Variants in EDIL3 observed in about 807,000 individuals in gnomAD.
The protein encoded by EDIL3 is EGF like and discoidin domains 3, also known as EGF-like repeat and discoidin I-like domain-containing protein 3.
In EDIL3, 37 loss-of-function variants were observed where a neutral mutation model predicts 67.4. The ratio of observed to expected loss-of-function variants is 0.55; its 90% CI spans 0.42 to 0.72. EDIL3 has a LOEUF of 0.72. Ranked by LOEUF, EDIL3 falls within the 30% of genes least tolerant of loss-of-function variation. The probability of loss-of-function intolerance (pLI) is 0.00; values close to 1 mark genes in which losing one functional copy is unlikely to be tolerated. For missense variants in EDIL3, 527 were observed against 586.3 expected (o/e 0.90, Z 1.04); for synonymous variants, 195 against 196.3 (o/e 0.99, Z 0.05).
At chr5:84,305,979 C>T (rs1054106477) in intron 1 of EDIL3, among the ~76,000 whole-genome samples, 18 of 151,928 alleles carry the variant, frequency 1.2e-4, no homozygotes, top group African/African-American at 3.9e-4. Flanking sequence ...CATGTCATGT[C>T]CCCCCAGATT....
intron 1 of EDIL3, among the ~76,000 whole-genome samples, chr5:84,366,605 A>C (rs61054931): frequency 0.14 from 22,036 of 152,200 alleles, 1,798 homozygotes; most frequent in African/African-American, 0.22. Flanking sequence ...ATATGTGCTA[A>C]TAAATTAGAA....
chr5:84,229,314 A>G (rs1463758831), intron 3 of EDIL3, among the ~76,000 whole-genome samples: 1 of 152,208 alleles, frequency 6.6e-6, no homozygotes, highest in Non-Finnish European at 1.5e-5. Context: ...GAACTAAGTC[A>G]TGATGCCAAG....
chr5:84,287,733 A>G (rs1745836356), intron 1 of EDIL3, among the ~76,000 whole-genome samples: 1 of 152,150 alleles, frequency 6.6e-6, no homozygotes, highest in African/African-American at 2.4e-5. Flanking sequence ...GAGCAGCATT[A>G]GACAGAGTTG....
At chr5:84,181,645 C>T (rs935797483) in intron 3 of EDIL3, among the ~76,000 whole-genome samples, 4 of 152,130 alleles carry the variant, frequency 2.6e-5, no homozygotes, top group South Asian at 2.1e-4. Flanking sequence ...ATCTTTTACA[C>T]TTTTAATTCT....
intron 9 of EDIL3, among the ~76,000 whole-genome samples, chr5:84,044,040 T>A (rs1325488104): frequency 6.6e-6 from 1 of 152,138 alleles, no homozygotes; most frequent in African/African-American, 2.4e-5. Context: ...GTATTTGTCC[T>A]AATGCTATCC....
In EDIL3 at chr5:84,159,929, T is replaced by G. The variant is rs1277236087; in HGVS notation, c.355+20464A>C. Among the ~76,000 whole-genome samples, 3 of 152,094 alleles carry G rather than the reference T, an allele frequency of 2.0e-5. No homozygotes were observed. In the East Asian group the frequency reaches 5.8e-4, roughly 29 times the overall value. ...TTGGCACTGCTTTATCTCATAATATTTTGTATTTAGTTCATAATAGAATAA... is the reference window on the plus strand; with the variant it reads ...TTGGCACTGCTTTATCTCATAATATGTTGTATTTAGTTCATAATAGAATAA... On this transcript the variant is annotated intron_variant, in intron 4 of 10. Transcript: ENST00000296591.
At chr5:84,097,465 T>C (rs1356660509) in intron 6 of EDIL3, among the ~76,000 whole-genome samples, 1 of 152,206 alleles carries the variant, frequency 6.6e-6, no homozygotes, top group Non-Finnish European at 1.5e-5. Context: ...AAAGTCCTAA[T>C]AAAAATAGGC....
chr5:83,945,736 G>A (rs4599516), intron 10 of EDIL3, among the ~76,000 whole-genome samples: 36,502 of 151,724 alleles, frequency 0.24, 5,037 homozygotes, highest in South Asian at 0.38. Flanking sequence ...GATTTAATAT[G>A]TGAAAGTCAT....
At chr5:84,020,083 A>AAAAAAAG (rs1745685450) in intron 9 of EDIL3, among the ~76,000 whole-genome samples, 1 of 151,434 alleles carries the variant, frequency 6.6e-6, no homozygotes, top group Non-Finnish European at 1.5e-5. Flanking sequence ...GTACAAAAAA[A>AAAAAAAG]AAAAAAAACG....
intron 10 of EDIL3, among the ~76,000 whole-genome samples, chr5:83,953,693 G>C (rs536399940): frequency 3.3e-5 from 5 of 151,750 alleles, no homozygotes; most frequent in Non-Finnish European, 7.4e-5. Context: ...GAAAAACCGA[G>C]AGGACTGCCT....
At chr5:84,053,990 G>A (rs979103470) in intron 9 of EDIL3, among the ~76,000 whole-genome samples, 2 of 152,018 alleles carry the variant, frequency 1.3e-5, no homozygotes, top group African/African-American at 2.4e-5. Flanking sequence ...CCAAAGCCTG[G>A]CAGAGACACA....
rs751286945 is a variant in EDIL3, at chr5:84,075,483, C to CTTCTTA, written c.652-8878_652-8877insTAAGAA. 1.8e-4 allele frequency among the ~76,000 whole-genome samples: 27 copies of CTTCTTA among 150,968 alleles called. 1 individual carries two copies. Among genetic ancestry groups the CTTCTTA allele is most frequent in the Admixed American group, 5.9e-4 (9 of 15,172 alleles). On this transcript the variant is annotated intron_variant, in intron 6 of 10. Coordinates refer to ENST00000296591, the MANE Select transcript of EDIL3 (RefSeq NM_005711.5). ...GGGGCTTCTTCTTCTTCTTCTTCTT[C>CTTCTTA]TTATTATTTTGAGACGGAGTCTTCC...
intron 9 of EDIL3, among the ~76,000 whole-genome samples, chr5:83,990,465 G>T (rs1028792209): frequency 2.9e-4 from 39 of 136,824 alleles, no homozygotes; most frequent in Non-Finnish European, 4.6e-4. Flanking sequence ...CCAGTCTGCC[G>T]ACCGAGTGAG....
At chr5:84,216,798 C>T (rs1034685105) in intron 3 of EDIL3, among the ~76,000 whole-genome samples, 1 of 152,160 alleles carries the variant, frequency 6.6e-6, no homozygotes, top group Non-Finnish European at 1.5e-5. Flanking sequence ...ATTTCCTGTG[C>T]AGTCCCTATT....
intron 9 of EDIL3, among the ~76,000 whole-genome samples, chr5:84,028,749 AAATATATAT>A (rs1440686211): frequency 1.3e-5 from 2 of 152,106 alleles, no homozygotes; most frequent in Non-Finnish European, 2.9e-5. Flanking sequence ...ACGGAGTCTT[AAATATATAT>A]ATATACATAG....
intron 9 of EDIL3, among the ~76,000 whole-genome samples, chr5:83,984,111 G>A (rs6890555): frequency 0.1 from 15,589 of 151,936 alleles, 1,316 homozygotes; most frequent in African/African-American, 0.24. Context: ...AGAGCGTCTT[G>A]GGAAACAGGA....
intron 1 of EDIL3, among the ~76,000 whole-genome samples, chr5:84,316,769 A>G (rs534481853): frequency 1.3e-5 from 2 of 152,274 alleles, no homozygotes; most frequent in East Asian, 3.9e-4. Flanking sequence ...CTTACTAGAC[A>G]TCTACAGAAC....
At chr5:84,293,779 G>GT (rs1044967360) in intron 1 of EDIL3, among the ~76,000 whole-genome samples, 1,811 of 140,732 alleles carry the variant, frequency 0.013, 17 homozygotes, top group African/African-American at 0.026. Context: ...GATTAAGACT[G>GT]TTTTTTTTTT....
intron 4 of EDIL3, among the ~76,000 whole-genome samples, chr5:84,142,031 C>T (rs1748210111): frequency 6.7e-6 from 1 of 148,390 alleles, no homozygotes; most frequent in South Asian, 2.1e-4. Flanking sequence ...GGCAATTCAC[C>T]TTATGCACAT....
Sources: allele counts gnomAD v4.1 joint callset (sites outside exome capture counted in the v4.1 genomes callset), GRCh38; gene constraint gnomAD v4.1.1; transcripts MANE v1.5; gene names NCBI Gene and HGNC (gene_info 2026-07-23, HGNC 2026-07-21).